The following RBPMS2 variants were observed in gnomAD, a reference collection of about 807,000 sequenced individuals.
RBPMS2 encodes the protein RNA binding protein, mRNA processing factor 2.
Under a neutral mutation model 25.7 loss-of-function variants are expected in RBPMS2, and 14 were observed. That is an observed-to-expected ratio of 0.55 (90% CI 0.36 to 0.85). RBPMS2 has a LOEUF of 0.85. Ranked by LOEUF, RBPMS2 falls within the 40% of genes least tolerant of loss-of-function variation. The pLI is 0.01. For missense variants in RBPMS2, 252 were observed against 283.4 expected, an observed-to-expected ratio of 0.89 and a Z score of 0.80; for synonymous variants, 127 against 115.6, an observed-to-expected ratio of 1.10 and a Z score of -0.63.
chr15:64,766,205 C>T (rs2083844562), intron 1 of RBPMS2, among the ~76,000 whole-genome samples: 1 of 152,156 alleles, frequency 6.6e-6, no homozygotes, highest in Admixed American at 6.6e-5. Context: ...AGTCAAGAGC[C>T]TCTGCTCAGT....
intron 1 of RBPMS2, among the ~76,000 whole-genome samples, chr15:64,768,186 A>G (rs141770873): frequency 2.0e-5 from 3 of 152,336 alleles, no homozygotes; most frequent in East Asian, 3.9e-4. Context: ...GGTACAGGAA[A>G]TAAGTAAGTG....
chr15:64,767,384 A>G (rs1424020496), intron 1 of RBPMS2, among the ~76,000 whole-genome samples: 4 of 152,180 alleles, frequency 2.6e-5, no homozygotes, highest in Non-Finnish European at 5.9e-5. Context: ...GTGACGTGAC[A>G]CCAGATGTCG....
intron 1 of RBPMS2, among the ~76,000 whole-genome samples, chr15:64,757,164 G>A (rs1161711783): frequency 6.6e-6 from 1 of 151,624 alleles, no homozygotes; most frequent in Non-Finnish European, 1.5e-5. Flanking sequence ...TAGCGATGAG[G>A]TCTCACTATG....
At chr15:64,746,257 G>T (rs2083617341) in intron 6 of RBPMS2, among the ~76,000 whole-genome samples, 2 of 152,072 alleles carry the variant, frequency 1.3e-5, no homozygotes, top group African/African-American at 4.8e-5. Context: ...ACTATCCTTT[G>T]GGGTGGGTGG....
Position 64,749,461 on chromosome 15 carries a change from T to C in RBPMS2, c.237A>G (p.Ala79=). The change falls in exon 4 of 8, where the codon GCA becomes GCG. Residue 79 remains alanine (A), a synonymous_variant. Coordinates refer to ENST00000300069, the MANE Select transcript of RBPMS2 (RefSeq NM_194272.3). ...GCGCATTCTTGGCCGCTTCTGCTCC[T>C]GCACGGCTGTCAAAGATCACAAAAC... ...PVGFVIFDSR[A]GAEAAKNALN... is the part of the protein sequence containing the mutation. 6.2e-7 allele frequency: 1 copy of C among 1,613,632 alleles called. No individual in the cohort carries two copies. The highest frequency in any genetic ancestry group is 2.2e-5 in the East Asian group (1 of 44,888).
Position 64,775,277 on chromosome 15 carries a change from C to G in RBPMS2, c.43G>C (p.Gly15Arg), listed in dbSNP as rs777493863. 2.2e-6 allele frequency: 3 copies of G among 1,350,094 alleles called. No individual in the cohort carries two copies. In the South Asian group the frequency reaches 5.2e-5, roughly 23 times the overall value. The allele number at this position is 1,350,094 out of a possible 1,614,324, so 83.6% of individuals were successfully genotyped here. The change falls in exon 1 of 8, where the codon GGC becomes CGC. Residue 15 changes from glycine to arginine, a missense_variant. By Grantham distance (125) the Gly-to-Arg change is moderately radical. Coordinates refer to ENST00000300069, the MANE Select transcript of RBPMS2 (RefSeq NM_194272.3). The stretch of plus-strand genomic sequence containing the variant: ...CCGGAGCCCGCGCCGGAGCCGGTGC[C>G]GGTGCTGCCGCCGTGCTCGCCGTCC... ...KPDGEHGGST[G>R]TGSGAGSGGA... is the part of the protein sequence containing the mutation.
intron 1 of RBPMS2, among the ~76,000 whole-genome samples, chr15:64,754,006 C>A (rs1212261217): frequency 6.6e-6 from 1 of 152,100 alleles, no homozygotes; most frequent in East Asian, 1.9e-4. Flanking sequence ...GGCAGCAGAC[C>A]TGGAACTCAA....
Position 64,755,598 on chromosome 15 carries a change from G to C in RBPMS2, c.88-3960C>G, listed in dbSNP as rs150964754. Among the ~76,000 whole-genome samples the C allele has an allele frequency of 2.1e-3, 316 of 152,284 alleles. 2 individuals carry two copies. The highest frequency in any genetic ancestry group is 3.7e-3 in the Admixed American group (57 of 15,304). On this transcript the variant is annotated intron_variant, in intron 1 of 7. Transcript: ENST00000300069. ...CTGACTCTGCTGTTTGTGAGGGCAGGGGGAGCGGCACAGGGCAGCCTCATC... is the reference window on the plus strand; with the variant it reads ...CTGACTCTGCTGTTTGTGAGGGCAGCGGGAGCGGCACAGGGCAGCCTCATC...
chr15:64,750,544 G>A (rs775246795), intron 2 of RBPMS2, among the ~76,000 whole-genome samples, 163 bp from the exon 3 acceptor site: 15 of 152,102 alleles, frequency 9.9e-5, no homozygotes, highest in Admixed American at 2.0e-4. Flanking sequence ...AACGTCCACC[G>A]CCCTGCGTTC....
chr15:64,762,838 G>C (rs1169226603), intron 1 of RBPMS2, among the ~76,000 whole-genome samples: 1 of 152,162 alleles, frequency 6.6e-6, no homozygotes, highest in African/African-American at 2.4e-5. Flanking sequence ...TCTGCTCAGA[G>C]CTTCAGTGAC....
chr15:64,775,222 C>A lies in RBPMS2; in HGVS notation c.87+11G>T, dbSNP rs1442396147. The A allele has an allele frequency of 4.7e-6, 6 of 1,263,850 alleles. No individual in the cohort carries two copies. Among genetic ancestry groups the A allele is most frequent in the Middle Eastern group, 2.9e-4 (1 of 3,422 alleles). 78.3% of individuals were successfully genotyped at this position (1,263,850 alleles called of 1,614,324 possible). A position where few individuals can be genotyped will look rare whatever the true frequency, so the allele number is the denominator to read the frequency against. ...CGCTTCACCCGGCAAGTCCCGGGGC[C>A]ACAGACCCACCTCCTCCTCCAGGGC... On this transcript the variant is annotated intron_variant, in intron 1 of 7. Coordinates refer to ENST00000300069, the MANE Select transcript of RBPMS2 (RefSeq NM_194272.3).
At position 64,751,581 on chromosome 15, in the gene RBPMS2, A is replaced by G. The variant is rs771015097; in HGVS notation, c.145T>C (p.Leu49=). The G allele has an allele frequency of 3.1e-6, 5 of 1,613,902 alleles. No homozygotes were observed. In the Admixed American group the frequency reaches 5.0e-5, roughly 16 times the overall value. Residue 49 remains leucine (L), a synonymous_variant, in exon 2 of 8, where the codon TTG becomes CTG. Coordinates refer to ENST00000300069, the MANE Select transcript of RBPMS2 (RefSeq NM_194272.3). ...PVDIKPRELY[L]LFRPFKGYEG... is the part of the protein sequence containing the mutation. Reference sequence around the variant, plus strand: ...CTCACCTTGAACGGCCGGAAGAGCAAGTAGAGTTCTCTGGGTTTAATGTCC... The same window carrying G: ...CTCACCTTGAACGGCCGGAAGAGCAGGTAGAGTTCTCTGGGTTTAATGTCC...
chr15:64,762,789 G>A (rs1184459776), intron 1 of RBPMS2, among the ~76,000 whole-genome samples: 1 of 152,138 alleles, frequency 6.6e-6, no homozygotes, highest in Non-Finnish European at 1.5e-5. Context: ...GCAGTAGAAT[G>A]CGACTGAGTC....
intron 3 of RBPMS2, 131 bp downstream of exon 3, chr15:64,750,212 A>C (rs1241650163): frequency 3.6e-6 from 3 of 837,352 alleles, no homozygotes; most frequent in Non-Finnish European, 6.2e-6. Flanking sequence ...GCTCTGTCAG[A>C]AACAGGACAA....
intron 1 of RBPMS2, among the ~76,000 whole-genome samples, chr15:64,770,618 C>G (rs2083886116): frequency 6.6e-6 from 1 of 152,174 alleles, no homozygotes; most frequent in South Asian, 2.1e-4. Context: ...TGCCCAGAAA[C>G]AGAGAAGCCT....
intron 1 of RBPMS2, among the ~76,000 whole-genome samples, chr15:64,756,516 CAAA>C (rs771497391): frequency 1.6e-5 from 2 of 121,992 alleles, no homozygotes; most frequent in African/African-American, 3.0e-5. Context: ...GACCCTGTCT[CAAA>C]AAAAAAAAAA....
chr15:64,749,762 A>T (rs960821774), intron 3 of RBPMS2, among the ~76,000 whole-genome samples: 1 of 151,874 alleles, frequency 6.6e-6, no homozygotes, highest in African/African-American at 2.4e-5. Context: ...CCACTGAATT[A>T]AACGTCGCCC....
At chr15:64,754,881 G>T (rs55960029) in intron 1 of RBPMS2, among the ~76,000 whole-genome samples, 6 of 152,056 alleles carry the variant, frequency 3.9e-5, no homozygotes, top group African/African-American at 1.4e-4. Flanking sequence ...AGCCACCAGC[G>T]TCCTGATGGA....
rs1425275880 is a variant in RBPMS2 at position 64,749,616 on chromosome 15, CA to C, written c.205-124del. 14 of 858,106 alleles carry C rather than the reference CA, an allele frequency of 1.6e-5. No homozygotes were observed. The East Asian group carries it at 3.1e-4, about 19-fold the overall frequency. 53.2% of individuals were successfully genotyped at this position (858,106 alleles called of 1,614,324 possible). ...AGTATTTGCCCTGCTGATGAGAATA[CA>C]AAAGGAAAAAAAGCCCCCCAAAACT... On this transcript the variant is annotated intron_variant, in intron 3 of 7. Transcript: ENST00000300069.
Sources: gnomAD v4.1 joint callset for allele counts (sites outside exome capture counted in the v4.1 genomes callset) on GRCh38, gnomAD v4.1.1 for gene constraint, MANE v1.5 for transcripts, NCBI Gene and HGNC (gene_info 2026-07-23, HGNC 2026-07-21) for gene names.